The following DCHS2 variants were observed in gnomAD, a reference collection of about 807,000 sequenced individuals.
DCHS2 encodes dachsous cadherin-related 2.
In DCHS2, 142 loss-of-function variants were observed where a neutral mutation model predicts 182.4. The observed-to-expected ratio is 0.78, with a 90% CI of 0.68 to 0.89. The LOEUF (loss-of-function observed/expected upper bound fraction) is 0.89, where lower values mean the gene tolerates loss of function less well. DCHS2 is among the 40% of genes least tolerant of loss of function. The pLI is 0.00. For missense variants in DCHS2, 4,319 were observed against 4,198.6 expected (o/e 1.03, Z -0.79); for synonymous variants, 1,740 against 1,663.3 (o/e 1.05, Z -1.12).
chr4:154,417,202 TGTGAGAGAGAGAGAGAGAGAGAGA>T (rs1732887747), intron 1 of DCHS2, among the ~76,000 whole-genome samples: 2 of 41,956 alleles, frequency 4.8e-5, no homozygotes, highest in East Asian at 9.2e-4. Context: ...TGTGTGTGTG[TGTGAGAGAGAGAGAGAGAGAGAGA>T]GAGAGAGAGA....
intron 13 of DCHS2, among the ~76,000 whole-genome samples, chr4:154,276,423 T>C (rs1295471796): frequency 2.0e-5 from 3 of 152,216 alleles, no homozygotes; most frequent in Non-Finnish European, 4.4e-5. Context: ...TAATTAATGC[T>C]ATATGACTGT....
intron 1 of DCHS2, among the ~76,000 whole-genome samples, chr4:154,455,566 A>G (rs1734727878): frequency 6.6e-6 from 1 of 152,196 alleles, no homozygotes; most frequent in Admixed American, 6.5e-5. Context: ...GCACAAAAGG[A>G]AATCACTTCT....
intron 16 of DCHS2, among the ~76,000 whole-genome samples, chr4:154,251,311 A>T (rs1014179025): frequency 6.6e-6 from 1 of 152,240 alleles, no homozygotes; most frequent in African/African-American, 2.4e-5. Context: ...GCAATCATTC[A>T]CATCGGCTAG....
intron 3 of DCHS2, among the ~76,000 whole-genome samples, chr4:154,337,895 C>G (rs1168952142): frequency 2.9e-4 from 44 of 152,092 alleles, no homozygotes; most frequent in Non-Finnish European, 2.9e-5. Context: ...CACGTATCAC[C>G]ATGCCCGGCT....
Position 154,490,932 on chromosome 4 carries a change from C to A in DCHS2, c.424G>T (p.Val142Phe), listed in dbSNP as rs1407832641. Residue 142 changes from valine to phenylalanine, a missense_variant, in exon 1 of 20, where the codon GTC becomes TTC. Transcript: ENST00000357232. ...DRERRDHYSF[V>F]AATLLGAVVQ... ...ACAGCGCCCAGCAGCGTGGCGGCGA[C>A]GAAGCTGTAGTGGTCCCGCCGCTCG... 4.5e-6 allele frequency: 7 copies of A among 1,550,952 alleles called. No homozygotes were observed. In the Admixed American group the frequency reaches 7.8e-5, roughly 17 times the overall value.
intron 13 of DCHS2, among the ~76,000 whole-genome samples, chr4:154,281,119 G>C (rs1431085646): frequency 6.6e-6 from 1 of 151,888 alleles, no homozygotes; most frequent in Non-Finnish European, 1.5e-5. Context: ...GAGCCAGTAT[G>C]CCCAGCCAGA....
chr4:154,435,483 C>G (rs2110944239), intron 1 of DCHS2, among the ~76,000 whole-genome samples: 1 of 152,020 alleles, frequency 6.6e-6, no homozygotes, highest in East Asian at 1.9e-4. Flanking sequence ...GTAGTCCCAG[C>G]TACTCGGGAG....
At position 154,255,659 on chromosome 4, in the gene DCHS2, G is replaced by C. The variant is rs755916372; in HGVS notation, c.6801C>G (p.Thr2267=). ...GGCCGTTCAAACCACTGTCCAAGTC[G>C]GTAGCAAAAACCTGTGAGGAACCGA... ...YNAHVIQVFA[T]DLDSGLNGLI... The change falls in exon 16 of 20, where the codon ACC becomes ACG. Residue 2267 remains threonine, a synonymous_variant. Transcript: ENST00000357232. 1 of 1,610,836 alleles carries C rather than the reference G, an allele frequency of 6.2e-7. No homozygotes were observed. The highest frequency in any genetic ancestry group is 1.1e-5 in the South Asian group (1 of 90,092).
intron 13 of DCHS2, among the ~76,000 whole-genome samples, chr4:154,271,513 A>G (rs1733590980): frequency 6.6e-6 from 1 of 152,188 alleles, no homozygotes; most frequent in Admixed American, 6.6e-5. Context: ...TGATATACTA[A>G]GAGAAGATGC....
intron 16 of DCHS2, among the ~76,000 whole-genome samples, chr4:154,250,342 A>G (rs2111135239): frequency 6.6e-6 from 1 of 152,292 alleles, no homozygotes; most frequent in South Asian, 2.1e-4. Context: ...TGAGGTGGTG[A>G]TAAGTCACCA....
At chr4:154,331,559 C>T (rs751277594) in intron 5 of DCHS2, 4 of 1,587,776 alleles carry the variant, frequency 2.5e-6, no homozygotes, top group Non-Finnish European at 3.4e-6. Context: ...CTGTGAAAAC[C>T]CTCCATCTGC....
chr4:154,489,578 T>A lies in DCHS2; in HGVS notation c.1778A>T (p.Gln593Leu). The A allele has an allele frequency of 1.3e-6, 2 of 1,550,842 alleles. No homozygotes were observed. Among genetic ancestry groups the A allele is most frequent in the Non-Finnish European group, 1.7e-6 (2 of 1,146,460 alleles). ...CTCTGCGGTGTGGACCATCTTTGAT[T>A]GCAGGGAGCCGAGATTGCAGGGAGC... ...LSAPCNLGSLQSKMVHTAECG... is the reference protein window; with the variant it reads ...LSAPCNLGSLLSKMVHTAECG... Residue 593 changes from glutamine to leucine, a missense_variant, in exon 1 of 20, where the codon CAA (glutamine) becomes CTA (leucine). By Grantham distance (113) the Gln-to-Leu change is moderately radical (BLOSUM62 -2). Transcript: ENST00000357232.
chr4:154,456,543 G>A (rs1191455388), intron 1 of DCHS2, among the ~76,000 whole-genome samples: 1 of 152,166 alleles, frequency 6.6e-6, no homozygotes, highest in Non-Finnish European at 1.5e-5. Context: ...AACGGTTCTC[G>A]GAAGTGAGAT....
intron 1 of DCHS2, among the ~76,000 whole-genome samples, chr4:154,487,869 C>G (rs1728642390): frequency 6.6e-6 from 1 of 152,188 alleles, no homozygotes; most frequent in Admixed American, 6.5e-5. Context: ...CTTTGATTAT[C>G]TCCCATCAGA....
In DCHS2 at chr4:154,322,250, G is replaced by A. The variant is rs1221421798; in HGVS notation, c.4176+81C>T. 6.4e-6 allele frequency: 10 copies of A among 1,566,434 alleles called. No homozygotes were observed. The East Asian group carries it at 2.0e-4, about 32-fold the overall frequency. ...ATATTCATATACATACATATTACAT[G>A]TATCTTCACTCTATAAACTTGTAAT... On this transcript the variant is annotated intron_variant, in intron 8 of 19. Transcript: ENST00000357232.
chr4:154,352,426 G>C (rs1300182194), intron 3 of DCHS2: 1 of 152,172 alleles, frequency 6.6e-6, no homozygotes, highest in East Asian at 1.9e-4. Context: ...GAAAAATCAA[G>C]TGTCCAGATA....
intron 1 of DCHS2, among the ~76,000 whole-genome samples, chr4:154,459,587 C>T (rs541909017): frequency 4.6e-5 from 7 of 152,198 alleles, no homozygotes; most frequent in African/African-American, 1.4e-4. Context: ...CCAGGAATGA[C>T]CCTGCAGGCT....
intron 13 of DCHS2, among the ~76,000 whole-genome samples, chr4:154,287,818 T>C (rs1734474813): frequency 1.3e-5 from 2 of 152,134 alleles, no homozygotes; most frequent in African/African-American, 2.4e-5. Context: ...CTTTGTTTGG[T>C]TGATTGTTTG....
At position 154,333,502 on chromosome 4, in the gene DCHS2, A is replaced by G. The variant is rs757136267; in HGVS notation, c.2714-8T>C. The G allele has an allele frequency of 6.2e-7, 1 of 1,600,138 alleles. No individual in the cohort carries two copies. Among genetic ancestry groups the G allele is most frequent in the Non-Finnish European group, 8.5e-7 (1 of 1,170,292 alleles). ...AGATTGGTTCTGAGGAGTCTGAAAA[A>G]GAGAGAGGGGACAACCACTGTATGT... is the stretch of plus-strand genomic sequence containing the variant. On this transcript the variant is annotated splice_polypyrimidine_tract_variant and splice_region_variant and intron_variant, in intron 4 of 19. Coordinates refer to ENST00000357232, the MANE Select transcript of DCHS2 (RefSeq NM_001358235.2).
Sources: gnomAD v4.1 joint callset for allele counts (sites outside exome capture counted in the v4.1 genomes callset) on GRCh38, gnomAD v4.1.1 for gene constraint, MANE v1.5 for transcripts, NCBI Gene and HGNC (gene_info 2026-07-23, HGNC 2026-07-21) for gene names.